RALYL: variants seen among roughly 807,000 people sequenced by gnomAD.
RALYL encodes the protein RALY RNA binding protein like.
A neutral mutation model predicts 35.1 loss-of-function variants in RALYL; 29 were observed. The ratio of observed to expected loss-of-function variants is 0.83; its 90% CI spans 0.61 to 1.13. RALYL has a LOEUF of 1.13. Ranked by LOEUF, RALYL falls within the 50% of genes most tolerant of loss-of-function variation. RALYL has a pLI of 0.00. For missense variants in RALYL, 359 were observed against 360.4 expected (o/e 1.00, Z 0.03); for synonymous variants, 120 against 127.6 (o/e 0.94, Z 0.40).
chr8:84,612,589 G>T (rs1818554777), intron 2 of RALYL, among the ~76,000 whole-genome samples: 1 of 149,214 alleles, frequency 6.7e-6, no homozygotes, highest in Admixed American at 6.6e-5. Context: ...AAAATAAACA[G>T]TCTTCAATAT....
Position 84,228,216 on chromosome 8 carries a change from C to A in RALYL, c.-24+43792C>A, listed in dbSNP as rs188359428. On this transcript the variant is annotated intron_variant, in intron 1 of 8. Transcript: ENST00000521268. ...TTAATGTTCCAGTCAGAGAAAATAG[C>A]ATAGTATGGGAGATGAGGGTGGAGG... Among the ~76,000 whole-genome samples the A allele has an allele frequency of 1.6e-3, 238 of 148,130 alleles. 1 individual carries two copies. The highest frequency in any genetic ancestry group is 5.4e-3 in the African/African-American group (217 of 40,292).
At chr8:84,855,536 T>A (rs542284254) in intron 5 of RALYL, among the ~76,000 whole-genome samples, 1 of 152,344 alleles carries the variant, frequency 6.6e-6, no homozygotes, top group East Asian at 1.9e-4. Flanking sequence ...ATCTTTTCTC[T>A]TTTACACAAA....
At chr8:84,614,236 G>A (rs1448327199) in intron 2 of RALYL, among the ~76,000 whole-genome samples, 14 of 151,528 alleles carry the variant, frequency 9.2e-5, no homozygotes, top group Non-Finnish European at 1.8e-4. Flanking sequence ...ACGAGTATCA[G>A]TATTACTCTC....
At chr8:84,913,024 ATGGATGGATAGG>A (rs1232713672) in intron 8 of RALYL, among the ~76,000 whole-genome samples, 1 of 111,606 alleles carries the variant, frequency 9.0e-6, no homozygotes, top group Non-Finnish European at 1.9e-5. Flanking sequence ...GGATGGATGG[ATGGATGGATAGG>A]TAGGTAGATA....
intron 1 of RALYL, among the ~76,000 whole-genome samples, chr8:84,341,126 T>C (rs1848704747): frequency 6.6e-6 from 1 of 151,622 alleles, no homozygotes; most frequent in Admixed American, 6.6e-5. Context: ...GAGAAATGTC[T>C]ATTCCAGTTC....
At chr8:84,597,238 A>C (rs1340372311) in intron 2 of RALYL, among the ~76,000 whole-genome samples, 3 of 152,144 alleles carry the variant, frequency 2.0e-5, no homozygotes, top group African/African-American at 7.2e-5. Flanking sequence ...AAATTCTCTG[A>C]ATCTATCATT....
At chr8:84,308,587 A>G (rs7818381) in intron 1 of RALYL, among the ~76,000 whole-genome samples, 3,084 of 152,268 alleles carry the variant, frequency 0.02, 111 homozygotes, top group African/African-American at 0.07. Context: ...GTGAAGTTGT[A>G]ATAACTTCCA....
intron 1 of RALYL, among the ~76,000 whole-genome samples, chr8:84,381,261 A>G (rs781567547): frequency 1.3e-5 from 2 of 151,856 alleles, no homozygotes; most frequent in Non-Finnish European, 2.9e-5. Context: ...TAAAGTTTTA[A>G]TATTTATATT....
intron 1 of RALYL, among the ~76,000 whole-genome samples, chr8:84,403,522 CTGTTTTTTTT>C (rs2043139642): frequency 3.8e-5 from 2 of 52,118 alleles, no homozygotes; most frequent in African/African-American, 1.4e-4. Context: ...GTCTATATCT[CTGTTTTTTTT>C]TTTTTTTTTT....
chr8:84,550,467 T>C (rs918540066), intron 2 of RALYL, among the ~76,000 whole-genome samples: 13 of 152,082 alleles, frequency 8.5e-5, no homozygotes, highest in Non-Finnish European at 1.8e-4. Flanking sequence ...ATATTGAAAA[T>C]ATTTATAAGT....
At chr8:84,770,957 CA>C (rs1586119681) in intron 2 of RALYL, among the ~76,000 whole-genome samples, 1 of 152,066 alleles carries the variant, frequency 6.6e-6, no homozygotes, top group Non-Finnish European at 1.5e-5. Context: ...AGTCCTTTGA[CA>C]GATGTATAAA....
chr8:84,341,165 T>TA (rs1440464488), intron 1 of RALYL, among the ~76,000 whole-genome samples: 3 of 151,560 alleles, frequency 2.0e-5, no homozygotes, highest in Non-Finnish European at 4.4e-5. Context: ...GTGATTTTTT[T>TA]TTTTTTTTTT....
rs1811852750 is a variant in RALYL at position 84,183,947 on chromosome 8, T to G, written c.-501T>G. ...TAACTCTTTTTTTGCATACTCTTTT[T>G]CTGATAACATTTTTGTATAGGTGGG... On this transcript the variant is annotated 5_prime_UTR_variant, in exon 1 of 9. Coordinates refer to ENST00000521268, the MANE Select transcript of RALYL (RefSeq NM_173848.7). 1 of 152,424 alleles carries G rather than the reference T, an allele frequency of 6.6e-6. No homozygotes were observed. Among genetic ancestry groups the G allele is most frequent in the Non-Finnish European group, 1.5e-5 (1 of 68,052 alleles). 9.4% of individuals were successfully genotyped at this position (152,424 alleles called of 1,614,324 possible).
intron 2 of RALYL, among the ~76,000 whole-genome samples, chr8:84,754,031 G>A (rs1450051688): frequency 6.6e-6 from 1 of 151,668 alleles, no homozygotes; most frequent in East Asian, 1.9e-4. Flanking sequence ...TGTAGATTCT[G>A]GATATTAGCC....
rs540337073 is a variant in RALYL, at chr8:84,801,899, G to GTGA, written c.333-2868_333-2866dup. Among the ~76,000 whole-genome samples, 75 of 152,300 alleles carry GTGA rather than the reference G, an allele frequency of 4.9e-4. 2 individuals carry two copies. In the South Asian group the frequency reaches 0.015, roughly 31 times the overall value. The stretch of plus-strand genomic sequence containing the variant: ...GTTAGTAGGATCAGAGGTTGAAATG[G>GTGA]TGATGTAGAGAAGGAATTCAAATTA... On this transcript the variant is annotated intron_variant, in intron 3 of 8. Transcript: ENST00000521268.
intron 1 of RALYL, among the ~76,000 whole-genome samples, chr8:84,250,241 A>T (rs948837099): frequency 6.6e-6 from 1 of 152,222 alleles, no homozygotes; most frequent in Admixed American, 6.5e-5. Context: ...ACTTCACATT[A>T]CAATGAGCAA....
rs113540806 is a variant in RALYL at position 84,667,752 on chromosome 8, G to A, written c.257-106827G>A. 8.2e-3 allele frequency among the ~76,000 whole-genome samples: 1,248 copies of A among 151,960 alleles called. 15 individuals carry two copies. Among genetic ancestry groups the A allele is most frequent in the African/African-American group, 0.028 (1,158 of 41,458 alleles). ...ATCATTGATAACTTCCTTGTTTCTG[G>A]TATGATAAAATGTAACCAACATATC... is the stretch of plus-strand genomic sequence containing the variant. On this transcript the variant is annotated intron_variant, in intron 2 of 8. Coordinates refer to ENST00000521268, the MANE Select transcript of RALYL (RefSeq NM_173848.7).
rs191461445 is a variant in RALYL at position 84,812,560 on chromosome 8, G to T, written c.365+7758G>T. 1.1e-4 allele frequency among the ~76,000 whole-genome samples: 16 copies of T among 152,258 alleles called. No homozygotes were observed. The East Asian group carries it at 2.9e-3, about 28-fold the overall frequency. ...GGCAGGACCATCAGGTGGGGGCAGG[G>T]CTAGGCATGTCCGAGCTCAGGCTCT... On this transcript the variant is annotated intron_variant, in intron 4 of 8. Coordinates refer to ENST00000521268, the MANE Select transcript of RALYL (RefSeq NM_173848.7).
chr8:84,435,236 G>T (rs900217268), intron 1 of RALYL, among the ~76,000 whole-genome samples: 7 of 152,218 alleles, frequency 4.6e-5, no homozygotes, highest in Non-Finnish European at 8.8e-5. Flanking sequence ...ACAGATATTA[G>T]AATTCATAGC....
Sources: allele counts gnomAD v4.1 joint callset (sites outside exome capture counted in the v4.1 genomes callset), GRCh38; gene constraint gnomAD v4.1.1; transcripts MANE v1.5; gene names NCBI Gene and HGNC (gene_info 2026-07-23, HGNC 2026-07-21).